The following ARHGAP10 variants were observed in gnomAD, a reference collection of about 807,000 sequenced individuals.
ARHGAP10 encodes Rho GTPase activating protein 10, also known as rho GTPase-activating protein 10.
A neutral mutation model predicts 108.6 loss-of-function variants in ARHGAP10; 87 were observed. The observed-to-expected ratio is 0.80, with a 90% CI of 0.67 to 0.96. The LOEUF (loss-of-function observed/expected upper bound fraction) is 0.96. Ranked by LOEUF, ARHGAP10 falls within the 40% of genes least tolerant of loss-of-function variation. The pLI is 0.00. For synonymous variants in ARHGAP10, 347 were observed against 341.1 expected (o/e 1.02, Z -0.19); for missense variants, 939 against 954.5 (o/e 0.98, Z 0.21).
At chr4:147,911,582 T>G (rs1736735594) in intron 12 of ARHGAP10, among the ~76,000 whole-genome samples, 2 of 152,186 alleles carry the variant, frequency 1.3e-5, no homozygotes, top group Admixed American at 1.3e-4. Flanking sequence ...CAGGATGGTC[T>G]TGATCTCCTG....
At chr4:147,740,342 T>G (rs972966876) in intron 1 of ARHGAP10, among the ~76,000 whole-genome samples, 3 of 152,232 alleles carry the variant, frequency 2.0e-5, no homozygotes, top group Non-Finnish European at 4.4e-5. Flanking sequence ...TTGTCATTGA[T>G]GGAGCTGGAA....
At chr4:148,015,812 A>T (rs1332275974) in intron 18 of ARHGAP10, among the ~76,000 whole-genome samples, 1 of 152,212 alleles carries the variant, frequency 6.6e-6, no homozygotes. Context: ...ATGCTCTTTT[A>T]GAAAGAAGAT....
chr4:147,737,481 T>C (rs1020301439), intron 1 of ARHGAP10, among the ~76,000 whole-genome samples: 2 of 150,734 alleles, frequency 1.3e-5, no homozygotes, highest in South Asian at 4.2e-4. Context: ...GATAAAGTGG[T>C]GTAATTGTAA....
chr4:148,049,328 C>T (rs1273504457), intron 20 of ARHGAP10, among the ~76,000 whole-genome samples: 3 of 152,200 alleles, frequency 2.0e-5, no homozygotes, highest in Non-Finnish European at 4.4e-5. Context: ...GGAAGACCAT[C>T]CCCTGCTCCT....
intron 1 of ARHGAP10, among the ~76,000 whole-genome samples, chr4:147,787,961 C>T (rs1333776212): frequency 6.6e-6 from 1 of 152,142 alleles, no homozygotes; most frequent in African/African-American, 2.4e-5. Flanking sequence ...AAGGCAAAAT[C>T]AGGGCTAAGA....
intron 13 of ARHGAP10, among the ~76,000 whole-genome samples, chr4:147,917,630 T>A (rs1737042643): frequency 6.6e-6 from 1 of 152,240 alleles, no homozygotes; most frequent in African/African-American, 2.4e-5. Flanking sequence ...CTTAAGAGTT[T>A]CAGAAAGTAG....
chr4:147,994,883 A>G (rs1044452041), intron 18 of ARHGAP10, among the ~76,000 whole-genome samples: 1 of 152,232 alleles, frequency 6.6e-6, no homozygotes, highest in Non-Finnish European at 1.5e-5. Context: ...TAATGAAGGA[A>G]TTAGATTATT....
chr4:147,937,175 C>T (rs1463625884), intron 13 of ARHGAP10, among the ~76,000 whole-genome samples: 3 of 152,210 alleles, frequency 2.0e-5, no homozygotes, highest in Non-Finnish European at 2.9e-5. Flanking sequence ...TCAATTTTCT[C>T]ACAATTCTGG....
chr4:147,942,343 G>A (rs143115755), intron 14 of ARHGAP10, among the ~76,000 whole-genome samples: 29 of 152,206 alleles, frequency 1.9e-4, no homozygotes, highest in African/African-American at 6.3e-4. Flanking sequence ...TAGTTCTTGA[G>A]AGCTAATTAT....
chr4:147,844,345 A>G (rs1376768008), intron 3 of ARHGAP10, among the ~76,000 whole-genome samples: 1 of 152,168 alleles, frequency 6.6e-6, no homozygotes, highest in African/African-American at 2.4e-5. Flanking sequence ...CAATCTAACT[A>G]TACTCTTTTA....
At chr4:147,733,639 G>GT (rs1344016152) in intron 1 of ARHGAP10, among the ~76,000 whole-genome samples, 2 of 152,166 alleles carry the variant, frequency 1.3e-5, no homozygotes, top group African/African-American at 4.8e-5. Flanking sequence ...CCATTTTTCA[G>GT]TAAGGGCGAT....
At chr4:148,055,860 G>A (rs1176163906) in intron 20 of ARHGAP10, among the ~76,000 whole-genome samples, 3 of 152,060 alleles carry the variant, frequency 2.0e-5, no homozygotes, top group East Asian at 1.9e-4. Flanking sequence ...CCCCAGGCAC[G>A]AACAGGGGAG....
chr4:147,811,783 A>T (rs941284663), intron 1 of ARHGAP10, among the ~76,000 whole-genome samples: 1 of 152,214 alleles, frequency 6.6e-6, no homozygotes, highest in Non-Finnish European at 1.5e-5. Flanking sequence ...AGTGCAATTA[A>T]CAAGAGTGAG....
In ARHGAP10 at chr4:147,875,167, C is replaced by G. The variant is rs1218637082; in HGVS notation, c.832+17C>G. On this transcript the variant is annotated intron_variant, in intron 8 of 22. Coordinates refer to ENST00000336498, the MANE Select transcript of ARHGAP10 (RefSeq NM_024605.4). ...AGGAAAAAAGTAAGAGGCCCTCCAG[C>G]AGTGGCTGCGTGGCTGCTTAAAAAT... 6.4e-7 allele frequency: 1 copy of G among 1,555,722 alleles called. No homozygotes were observed. Among genetic ancestry groups the G allele is most frequent in the Non-Finnish European group, 8.6e-7 (1 of 1,158,574 alleles).
Position 147,797,375 on chromosome 4 carries a change from T to C in ARHGAP10, c.155-25352T>C, listed in dbSNP as rs79231899. 7.0e-3 allele frequency among the ~76,000 whole-genome samples: 1,058 copies of C among 152,062 alleles called. 32 individuals carry two copies. The East Asian group carries it at 0.11, about 15-fold the overall frequency. ...CATTTTACTGTGTGCATGTCTGGAG[T>C]TGTTTGTTTTTCTCATGGTCCAACG... On this transcript the variant is annotated intron_variant, in intron 1 of 22. Coordinates refer to ENST00000336498, the MANE Select transcript of ARHGAP10 (RefSeq NM_024605.4).
In ARHGAP10 at chr4:147,738,637, G is replaced by A. The variant is rs116751768; in HGVS notation, c.154+6182G>A. Among the ~76,000 whole-genome samples, 1,433 of 152,218 alleles carry A rather than the reference G, an allele frequency of 9.4e-3. 15 individuals are homozygous for A. Among genetic ancestry groups the A allele is most frequent in the African/African-American group, 0.033 (1,359 of 41,506 alleles). On this transcript the variant is annotated intron_variant, in intron 1 of 22. Transcript: ENST00000336498. ...AATACATGTAAAGCATTTAGTATAAGTGCTCAAAGGTTAACAATTATGATG... is the reference window on the plus strand; with the variant it reads ...AATACATGTAAAGCATTTAGTATAAATGCTCAAAGGTTAACAATTATGATG...
chr4:147,738,069 A>C (rs1728492087), intron 1 of ARHGAP10, among the ~76,000 whole-genome samples: 1 of 151,700 alleles, frequency 6.6e-6, no homozygotes, highest in South Asian at 2.1e-4. Flanking sequence ...TTTTGGATAA[A>C]GAATACAGAG....
At chr4:147,857,675 GT>G (rs1734151165) in intron 5 of ARHGAP10, 21 bp downstream of exon 5, 1 of 1,420,862 alleles carries the variant, frequency 7.0e-7, no homozygotes, top group Non-Finnish European at 9.3e-7. Context: ...TTATTTTTCT[GT>G]TACGTTTTCA....
At chr4:148,032,992 A>G (rs1728220548) in intron 19 of ARHGAP10, among the ~76,000 whole-genome samples, 2 of 152,198 alleles carry the variant, frequency 1.3e-5, no homozygotes, top group African/African-American at 4.8e-5. Flanking sequence ...ACCCTCACCG[A>G]CACACCCAGG....
Sources: gnomAD v4.1 joint callset for allele counts (sites outside exome capture counted in the v4.1 genomes callset) on GRCh38, gnomAD v4.1.1 for gene constraint, MANE v1.5 for transcripts, NCBI Gene and HGNC (gene_info 2026-07-23, HGNC 2026-07-21) for gene names.